The following TRPM2 variants were observed in gnomAD, a reference collection of about 807,000 sequenced individuals.
TRPM2 encodes estrogen-responsive element-associated gene 1 protein.
In TRPM2, 161 loss-of-function variants were observed where a neutral mutation model predicts 174.0. The observed-to-expected ratio is 0.93, with a 90% CI of 0.81 to 1.05. The LOEUF is 1.05. Ranked by LOEUF, TRPM2 falls within the 50% of genes least tolerant of loss-of-function variation. The pLI is 0.00. For synonymous variants in TRPM2, 954 were observed against 861.3 expected (o/e 1.11, Z -1.88); for missense variants, 2,057 against 2,038.0 (o/e 1.01, Z -0.18).
intron 18 of TRPM2, 84 bp downstream of exon 18, chr21:44,406,121 G>A (rs562586053): frequency 1.2e-5 from 19 of 1,544,216 alleles, no homozygotes; most frequent in South Asian, 2.3e-5. Flanking sequence ...CCAGTGGCTC[G>A]GACTGGGGCT....
chr21:44,435,489 C>G (rs2051209389), intron 28 of TRPM2, among the ~76,000 whole-genome samples: 2 of 152,028 alleles, frequency 1.3e-5, no homozygotes, highest in Admixed American at 6.5e-5. Context: ...CGGTCCCTGC[C>G]CATTAGAGGG....
Position 44,417,944 on chromosome 21 carries a change from T to C in TRPM2, c.3164T>C (p.Val1055Ala). The C allele has an allele frequency of 1.2e-6, 2 of 1,612,316 alleles. No homozygotes were observed. Among genetic ancestry groups the C allele is most frequent in the East Asian group, 2.2e-5 (1 of 44,868 alleles). ...IAMFNYTFQQ[V>A]QEHTDQIWKF... ...CCTGACAGCTACACCTTCCAGCAGG[T>C]GCAGGAGCACACGGACCAGATTTGG... The change falls in exon 21 of 32, where the codon GTG becomes GCG. Residue 1055 changes from valine to alanine, a missense_variant. Physicochemically the swap from Val to Ala is moderately conservative, Grantham distance 64. Transcript: ENST00000397928.
At chr21:44,436,974 C>G (rs906591621) in intron 28 of TRPM2, 88 bp from the exon 29 acceptor site, 1 of 1,191,086 alleles carries the variant, frequency 8.4e-7, no homozygotes, top group Non-Finnish European at 1.2e-6. Context: ...GACACTGCCC[C>G]GCCCCAGGCA....
At position 44,354,698 on chromosome 21, in the gene TRPM2, C is replaced by T. The variant is rs776157534; in HGVS notation, c.216C>T (p.Cys72=). 3.0e-5 allele frequency: 49 copies of T among 1,614,150 alleles called. No individual in the cohort carries two copies. The highest frequency in any genetic ancestry group is 4.0e-5 in the Non-Finnish European group (47 of 1,180,024). ...CTGAAAACATCAAGAAGAAAGAATGCGTGTATTTTGTGGAAAGTTCCAAAC... is the reference window on the plus strand; with the variant it reads ...CTGAAAACATCAAGAAGAAAGAATGTGTGTATTTTGTGGAAAGTTCCAAAC... ...WIPENIKKKE[C]VYFVESSKLS... Residue 72 remains cysteine, a synonymous_variant, in exon 2 of 32, where the codon TGC becomes TGT. Transcript: ENST00000397928. This position sits in a 1 kb window ranked among gnomAD's most constrained non-coding sequence, Gnocchi z 4.3.
intron 19 of TRPM2, among the ~76,000 whole-genome samples, chr21:44,408,747 T>C (rs2049991688): frequency 7.0e-6 from 1 of 142,508 alleles, no homozygotes; most frequent in Non-Finnish European, 1.5e-5. Flanking sequence ...AACCTCTGCC[T>C]CCCGGGCTCA....
rs764198649 is a variant in TRPM2 at position 44,369,307 on chromosome 21, C to T, written c.735C>T (p.Gly245=). 11 of 1,613,474 alleles carry T rather than the reference C, an allele frequency of 6.8e-6. No homozygotes were observed. The South Asian group carries it at 1.1e-4, about 16-fold the overall frequency. The change falls in exon 5 of 32, where the codon GGC becomes GGT. Residue 245 remains glycine (G), a synonymous_variant. Transcript: ENST00000397928. ...ELITIGVATW[G]TVHRREGLIH... ...TCACCATCGGAGTCGCCACCTGGGG[C>T]ACTGTCCACCGCCGCGAGGGCCTGA...
chr21:44,407,280 C>A (rs530673498), intron 19 of TRPM2, among the ~76,000 whole-genome samples: 9 of 146,630 alleles, frequency 6.1e-5, no homozygotes, highest in African/African-American at 2.3e-4. Context: ...TGCACGCCAA[C>A]ACACCCGGCT....
intron 5 of TRPM2, among the ~76,000 whole-genome samples, chr21:44,370,875 C>T (rs1487134255): frequency 1.3e-5 from 2 of 152,186 alleles, no homozygotes; most frequent in Non-Finnish European, 1.5e-5. Flanking sequence ...GACGACTTCC[C>T]GTGACACCAC....
At chr21:44,407,555 T>G (rs1488931108) in intron 19 of TRPM2, among the ~76,000 whole-genome samples, 1 of 150,280 alleles carries the variant, frequency 6.7e-6, no homozygotes, top group East Asian at 2.0e-4. Context: ...GAATCTAACT[T>G]TATAACATCT....
In TRPM2 at chr21:44,439,109, C is replaced by T. The variant is rs773284614; in HGVS notation, c.4210C>T (p.Arg1404Trp). The T allele has an allele frequency of 1.2e-5, 20 of 1,613,554 alleles. No homozygotes were observed. The highest frequency in any genetic ancestry group is 1.2e-5 in the Non-Finnish European group (14 of 1,179,876). ...GGAGATGCTACCTCGGAAGCTGAAGCGGATCCTCCGGCAGGAGCACTGGCC... is the reference window on the plus strand; with the variant it reads ...GGAGATGCTACCTCGGAAGCTGAAGTGGATCCTCCGGCAGGAGCACTGGCC... ...PGEMLPRKLKRILRQEHWPSF... is the reference protein window; with the variant it reads ...PGEMLPRKLKWILRQEHWPSF... The change falls in exon 30 of 32, where the codon CGG becomes TGG. Residue 1404 changes from arginine (R) to tryptophan (W), a missense_variant. Transcript: ENST00000397928. This position sits in a 1 kb window ranked among gnomAD's most constrained non-coding sequence, Gnocchi z 5.1.
intron 27 of TRPM2, among the ~76,000 whole-genome samples, chr21:44,433,892 C>T (rs949624477): frequency 1.6e-4 from 25 of 152,096 alleles, no homozygotes; most frequent in Middle Eastern, 3.2e-3. Flanking sequence ...GACAGCTGGG[C>T]GGGAACAGGG....
At chr21:44,418,594 T>G (rs761695482) in intron 22 of TRPM2, 39 bp downstream of exon 22, 66 of 1,610,088 alleles carry the variant, frequency 4.1e-5, no homozygotes, top group Admixed American at 2.2e-4. Flanking sequence ...GGGAAGCCTC[T>G]GGGGGACCTC....
At chr21:44,389,196 C>G (rs2049101933) in intron 9 of TRPM2, among the ~76,000 whole-genome samples, 1 of 152,158 alleles carries the variant, frequency 6.6e-6, no homozygotes, top group African/African-American at 2.4e-5. Context: ...TCTTTCATGT[C>G]TTGTTTCTTT....
Position 44,366,718 on chromosome 21 carries a change from A to G in TRPM2, c.424-36A>G. 4 of 1,612,794 alleles carry G rather than the reference A, an allele frequency of 2.5e-6. No homozygotes were observed. Among genetic ancestry groups the G allele is most frequent in the Non-Finnish European group, 3.4e-6 (4 of 1,179,854 alleles). ...GTCGGTGCTGTCCCTGACCACTGACACACAGGTTCCCTCCGCCGTTTTCCC... is the reference window on the plus strand; with the variant it reads ...GTCGGTGCTGTCCCTGACCACTGACGCACAGGTTCCCTCCGCCGTTTTCCC... On this transcript the variant is annotated intron_variant, in intron 3 of 31. Coordinates refer to ENST00000397928, the MANE Select transcript of TRPM2 (RefSeq NM_003307.4). This position sits in a 1 kb window ranked among gnomAD's most constrained non-coding sequence, Gnocchi z 6.0.
chr21:44,441,029 G>A lies in TRPM2; in HGVS notation c.4386+124G>A, dbSNP rs1573477. 495,826 of 804,792 alleles carry A rather than the reference G, an allele frequency of 0.62. 158,775 individuals carry two copies. Among genetic ancestry groups the A allele is most frequent in the East Asian group, 0.69 (27,474 of 39,586 alleles). The allele number at this position is 804,792 out of a possible 1,614,324, so 49.9% of individuals were successfully genotyped here. ...CTGGCAGGCTGAACTCTGTATGGGC[G>A]TGGCCTCCGGGGAGAGGGAAGGCGG... On this transcript the variant is annotated intron_variant, in intron 31 of 31. Coordinates refer to ENST00000397928, the MANE Select transcript of TRPM2 (RefSeq NM_003307.4).
intron 27 of TRPM2, 90 bp from the exon 28 acceptor site, chr21:44,435,041 C>G (rs1373260554): frequency 3.1e-5 from 40 of 1,304,984 alleles, no homozygotes; most frequent in Non-Finnish European, 3.7e-5. Flanking sequence ...CGGCTCCTGA[C>G]GCCCGCTGTC....
At position 44,391,127 on chromosome 21, in the gene TRPM2, C is replaced by T; in HGVS notation, c.1440+102C>T. On this transcript the variant is annotated intron_variant, in intron 10 of 31. Transcript: ENST00000397928. The surrounding 1 kb of genome is among the most constrained non-coding windows in gnomAD (Gnocchi z 5.0). ...AGTTCGCATTGTCTGGATCCCAGCC[C>T]TTCCCTTGAGGGTGGGTGACCTGGG... is the stretch of plus-strand genomic sequence containing the variant. The T allele has an allele frequency of 6.3e-7, 1 of 1,576,368 alleles. No individual in the cohort carries two copies. Among genetic ancestry groups the T allele is most frequent in the South Asian group, 1.2e-5 (1 of 86,044 alleles).
chr21:44,421,624 C>T (rs987748691), intron 22 of TRPM2, among the ~76,000 whole-genome samples: 3 of 151,586 alleles, frequency 2.0e-5, no homozygotes, highest in Non-Finnish European at 2.9e-5. Context: ...ATAAAAATAA[C>T]AATTAGCCAG....
intron 16 of TRPM2, among the ~76,000 whole-genome samples, chr21:44,402,928 C>T (rs1357585861): frequency 1.3e-5 from 2 of 152,174 alleles, no homozygotes; most frequent in African/African-American, 2.4e-5. Context: ...CCCCAGTTAC[C>T]CCAGTTAGAA....
Sources: allele counts gnomAD v4.1 joint callset (sites outside exome capture counted in the v4.1 genomes callset), GRCh38; gene constraint gnomAD v4.1.1; non-coding constraint Gnocchi (gnomAD v3.1); transcripts MANE v1.5; gene names NCBI Gene and HGNC (gene_info 2026-07-23, HGNC 2026-07-21).